KAT2B: variants seen among roughly 807,000 people sequenced by gnomAD.
The protein encoded by KAT2B is histone acetyltransferase KAT2B.
In KAT2B, 36 loss-of-function variants were observed where a neutral mutation model predicts 105.9. The ratio of observed to expected loss-of-function variants is 0.34; its 90% confidence interval spans 0.26 to 0.45. The LOEUF (loss-of-function observed/expected upper bound fraction) is 0.45, where lower values mean the gene tolerates loss of function less well. Ranked by LOEUF, KAT2B falls within the 20% of genes least tolerant of loss-of-function variation. The pLI is 1.00. For synonymous variants in KAT2B, 397 were observed against 377.9 expected (o/e 1.05, Z -0.59); for missense variants, 820 against 1,021.6 (o/e 0.80, Z 2.69).
chr3:20,134,054 G>C (rs1050723726), intron 11 of KAT2B, among the ~76,000 whole-genome samples: 1 of 151,798 alleles, frequency 6.6e-6, no homozygotes, highest in Non-Finnish European at 1.5e-5. Context: ...TTTGTCTTTT[G>C]TTTATGGTAT....
At chr3:20,123,598 A>G (rs921106585) in intron 9 of KAT2B, among the ~76,000 whole-genome samples, 2 of 152,226 alleles carry the variant, frequency 1.3e-5, no homozygotes, top group Non-Finnish European at 2.9e-5. Context: ...ATAAAACCGT[A>G]TTTAAATTTC....
At chr3:20,141,786 CTT>C (rs11417956) in intron 13 of KAT2B, among the ~76,000 whole-genome samples, 4 of 140,280 alleles carry the variant, frequency 2.9e-5, no homozygotes, top group Non-Finnish European at 3.1e-5. Context: ...TGAGCAAAGG[CTT>C]TTTTTTTTTT....
rs1319570022 is a variant in KAT2B at position 20,040,455 on chromosome 3, C to T, written c.-23C>T. ...GGCGGCGGCGCCTGACACTCGGCGC[C>T]TCCTGCCGTGCTCCGGGGCGGCATG... On this transcript the variant is annotated 5_prime_UTR_variant, in exon 1 of 18. Transcript: ENST00000263754. The T allele has an allele frequency of 1.8e-5, 20 of 1,087,976 alleles. No homozygotes were observed. Among genetic ancestry groups the T allele is most frequent in the Non-Finnish European group, 2.0e-5 (18 of 897,888 alleles). 67.4% of individuals were successfully genotyped at this position (1,087,976 alleles called of 1,614,324 possible). A position where few individuals can be genotyped will look rare whatever the true frequency, so the allele number is the denominator to read the frequency against.
chr3:20,112,183 G>A (rs1461613562), intron 6 of KAT2B, among the ~76,000 whole-genome samples: 1 of 138,154 alleles, frequency 7.2e-6, no homozygotes, highest in Non-Finnish European at 1.5e-5. Flanking sequence ...TTTTTTTTCC[G>A]TTCAATTTCT....
intron 11 of KAT2B, among the ~76,000 whole-genome samples, chr3:20,132,049 T>G (rs1699519808): frequency 6.6e-6 from 1 of 152,196 alleles, no homozygotes; most frequent in Admixed American, 6.5e-5. Context: ...TATTTGAAGC[T>G]CCTCTCCTGA....
chr3:20,121,730 A>ATGTGTG lies in KAT2B; in HGVS notation c.1277-937_1277-936insGTGTGT, dbSNP rs1491153005. On this transcript the variant is annotated intron_variant, in intron 8 of 17. Transcript: ENST00000263754. Reference sequence around the variant, plus strand: ...TATATATGCATACATACACATATGCATATGTGTGTGTGTGTGTGTGTGTGT... The same window carrying ATGTGTG: ...TATATATGCATACATACACATATGCATGTGTGTATGTGTGTGTGTGTGTGTGTGTGT... Among the ~76,000 whole-genome samples, 188 of 92,558 alleles carry ATGTGTG rather than the reference A, an allele frequency of 2.0e-3. 1 individual carries two copies. Among genetic ancestry groups the ATGTGTG allele is most frequent in the Middle Eastern group, 6.8e-3 (1 of 146 alleles). 60.7% of individuals were successfully genotyped at this position (92,558 alleles called of 152,430 possible).
chr3:20,051,265 G>A (rs1354110272), intron 1 of KAT2B, among the ~76,000 whole-genome samples: 5 of 151,402 alleles, frequency 3.3e-5, no homozygotes, highest in Non-Finnish European at 5.9e-5. Context: ...AGTAGATGTA[G>A]ATAAGGAATA....
intron 8 of KAT2B, among the ~76,000 whole-genome samples, chr3:20,121,070 A>ATT (rs1699299366): frequency 6.6e-6 from 1 of 152,126 alleles, no homozygotes; most frequent in East Asian, 1.9e-4. Context: ...AGTTTTCAGC[A>ATT]TTACTCTTAG....
At chr3:20,083,240 T>C (rs1402381509) in intron 2 of KAT2B, among the ~76,000 whole-genome samples, 2 of 152,158 alleles carry the variant, frequency 1.3e-5, no homozygotes, top group African/African-American at 4.8e-5. Flanking sequence ...TATAGATTTT[T>C]ATTTTATTTT....
rs568701571 is a variant in KAT2B, at chr3:20,101,668, A to C, written c.851+200A>C. The stretch of plus-strand genomic sequence containing the variant: ...TGTTGAGGTGTGAGGGATGTAAATC[A>C]TCTATACCCAGTGTGATAGCCACTA... On this transcript the variant is annotated intron_variant, in intron 5 of 17. Coordinates refer to ENST00000263754, the MANE Select transcript of KAT2B (RefSeq NM_003884.5). 3.9e-5 allele frequency among the ~76,000 whole-genome samples: 6 copies of C among 152,348 alleles called. No homozygotes were observed. The East Asian group carries it at 9.7e-4, about 25-fold the overall frequency.
intron 3 of KAT2B, among the ~76,000 whole-genome samples, chr3:20,097,275 T>G (rs1188192323): frequency 1.3e-5 from 2 of 152,228 alleles, no homozygotes; most frequent in Non-Finnish European, 2.9e-5. Flanking sequence ...TGTCAGCCTC[T>G]ATTTAGTTTA....
At chr3:20,086,161 A>C (rs77464022) in intron 2 of KAT2B, among the ~76,000 whole-genome samples, 2 of 152,036 alleles carry the variant, frequency 1.3e-5, no homozygotes, top group Non-Finnish European at 2.9e-5. Context: ...AGTCCCAGCT[A>C]TTTGGGAGAC....
rs1408609058 is a variant in KAT2B at position 20,153,421 on chromosome 3, GTTCT to G, written c.*899_*902del. On this transcript the variant is annotated 3_prime_UTR_variant, in exon 18 of 18. Coordinates refer to ENST00000263754, the MANE Select transcript of KAT2B (RefSeq NM_003884.5). ...CTGGTGAATCCTCGTTCTAATAAAG[GTTCT>G]TTTTCTTTTCTATGATACACACAGC... The G allele has an allele frequency of 1.3e-5, 2 of 152,386 alleles. No individual in the cohort carries two copies. Among genetic ancestry groups the G allele is most frequent in the South Asian group, 2.1e-4 (1 of 4,834 alleles). The allele number at this position is 152,386 out of a possible 1,614,324, so 9.4% of individuals were successfully genotyped here. A position where few individuals can be genotyped will look rare whatever the true frequency, so the allele number is the denominator to read the frequency against.
chr3:20,054,886 G>A (rs1697979979), intron 1 of KAT2B, among the ~76,000 whole-genome samples: 1 of 152,194 alleles, frequency 6.6e-6, no homozygotes, highest in Admixed American at 6.5e-5. Context: ...ACCGGTTAGG[G>A]GCCTGTGGCC....
chr3:20,126,531 C>A (rs28477356), intron 10 of KAT2B, among the ~76,000 whole-genome samples: 35 of 145,288 alleles, frequency 2.4e-4, no homozygotes, highest in South Asian at 6.5e-4. Context: ...AAAAAAAAAA[C>A]AAAAAACTAG....
intron 3 of KAT2B, among the ~76,000 whole-genome samples, chr3:20,096,400 T>C (rs551857053): frequency 2.0e-5 from 3 of 151,918 alleles, no homozygotes; most frequent in East Asian, 1.9e-4. Context: ...GTGGTGGAAA[T>C]GGATAGCAAA....
intron 1 of KAT2B, among the ~76,000 whole-genome samples, chr3:20,062,227 A>G (rs1698137831): frequency 3.6e-5 from 2 of 55,890 alleles, no homozygotes; most frequent in Non-Finnish European, 6.7e-5. Context: ...TATATATAAA[A>G]ATATATATAA....
At chr3:20,135,869 T>A (rs940696860) in intron 11 of KAT2B, among the ~76,000 whole-genome samples, 9 of 152,064 alleles carry the variant, frequency 5.9e-5, no homozygotes, top group Admixed American at 2.0e-4. Context: ...GGTCAATAAG[T>A]AGAAATAACA....
chr3:20,108,365 T>C (rs1336146773), intron 5 of KAT2B, among the ~76,000 whole-genome samples: 1 of 152,176 alleles, frequency 6.6e-6, no homozygotes, highest in African/African-American at 2.4e-5. Context: ...CATAGAATCA[T>C]CCCCATCATC....
Sources: allele counts gnomAD v4.1 joint callset (sites outside exome capture counted in the v4.1 genomes callset), GRCh38; gene constraint gnomAD v4.1.1; transcripts MANE v1.5; gene names NCBI Gene and HGNC (gene_info 2026-07-23, HGNC 2026-07-21).